Variants in SORBS2 observed in about 807,000 individuals in gnomAD.
SORBS2 encodes the protein sorbin and SH3 domain-containing protein 2.
In SORBS2, 46 loss-of-function variants were observed where a neutral mutation model predicts 97.7. The observed-to-expected ratio is 0.47, with a 90% CI of 0.37 to 0.60. The LOEUF is 0.60. SORBS2 is among the 20% of genes least tolerant of loss of function. The pLI is 0.00. For missense variants in SORBS2, 1,316 were observed against 1,282.3 expected, an observed-to-expected ratio of 1.03 and a Z score of -0.40; for synonymous variants, 476 against 473.4, an observed-to-expected ratio of 1.01 and a Z score of -0.07.
At chr4:185,665,926 C>G in intron 4 of SORBS2, 1 of 1,217,448 alleles carries the variant, frequency 8.2e-7, no homozygotes, top group Non-Finnish European at 1.1e-6. Context: ...TGTCAGAGAG[C>G]CTGTGTCGTG....
intron 14 of SORBS2, 96 bp from the exon 27 acceptor site, chr4:185,587,784 A>C (rs2095820449): frequency 1.1e-6 from 1 of 950,686 alleles, no homozygotes; most frequent in African/African-American, 1.6e-5. Context: ...CTCGGAAGAC[A>C]GCAAGCCCCG....
At chr4:185,677,431 T>C in intron 4 of SORBS2, 1 of 1,552,196 alleles carries the variant, frequency 6.4e-7, no homozygotes, top group Non-Finnish European at 8.7e-7. Flanking sequence ...TATGACATGG[T>C]TGTGTTAGAT....
intron 12 of SORBS2, among the ~76,000 whole-genome samples, chr4:185,602,042 C>T (rs1299008026): frequency 6.6e-6 from 1 of 152,108 alleles, no homozygotes; most frequent in Non-Finnish European, 1.5e-5. Flanking sequence ...GATGGAGTCT[C>T]GCTCTGTTGC....
intron 1 of SORBS2, among the ~76,000 whole-genome samples, chr4:185,948,510 A>ATTTTT (rs34637572): frequency 2.1e-4 from 18 of 87,752 alleles, no homozygotes; most frequent in Non-Finnish European, 2.7e-4. Context: ...ATGAATTTCA[A>ATTTTT]TTTTTTTTTT....
At chr4:185,670,614 T>A (rs1215653326) in intron 4 of SORBS2, among the ~76,000 whole-genome samples, 1 of 152,040 alleles carries the variant, frequency 6.6e-6, no homozygotes, top group Non-Finnish European at 1.5e-5. Context: ...AGGGGTTTTT[T>A]TTTTTTTGGA....
chr4:185,879,165 TCC>T (rs1224668040), intron 1 of SORBS2, among the ~76,000 whole-genome samples: 23 of 57,160 alleles, frequency 4.0e-4, no homozygotes, highest in South Asian at 2.6e-3. Flanking sequence ...ATGCTATCCC[TCC>T]CCCCCCCCCA....
At chr4:185,861,336 C>A (rs1281485034) in intron 1 of SORBS2, among the ~76,000 whole-genome samples, 1 of 128,358 alleles carries the variant, frequency 7.8e-6, no homozygotes, top group Non-Finnish European at 1.6e-5. Context: ...GTCCATCAGT[C>A]GGGTGGGGGG....
rs148868588 is a variant in SORBS2, at chr4:185,862,309, T to A, written c.-337-86943A>T. On this transcript the variant is annotated intron_variant, in intron 1 of 20. Coordinates refer to the SORBS2 transcript ENST00000284776. ...AGATTCTGCAGGGCCTTGAGCCTTGTAGGACATGGTATGGGGTTTCAGTGA... is the reference window on the plus strand; with the variant it reads ...AGATTCTGCAGGGCCTTGAGCCTTGAAGGACATGGTATGGGGTTTCAGTGA... 2.6e-5 allele frequency among the ~76,000 whole-genome samples: 4 copies of A among 152,324 alleles called. No homozygotes were observed. The East Asian group carries it at 7.7e-4, about 29-fold the overall frequency.
At position 185,760,563 on chromosome 4, in the gene SORBS2, CA is replaced by C. The variant is rs11448543; in HGVS notation, c.-198+14663del. Among the ~76,000 whole-genome samples the C allele has an allele frequency of 1.2e-3, 180 of 147,356 alleles. 1 individual carries two copies. The highest frequency in any genetic ancestry group is 3.6e-3 in the African/African-American group (147 of 40,486). On this transcript the variant is annotated intron_variant, in intron 2 of 20. Transcript: ENST00000284776. ...GGGCAACAAGAGTGAAACTTTGTCT[CA>C]AAAAAAAAAATTAACAAAATGCATC...
intron 2 of SORBS2, among the ~76,000 whole-genome samples, chr4:185,760,462 C>T (rs949085311): frequency 6.6e-6 from 1 of 152,184 alleles, no homozygotes; most frequent in African/African-American, 2.4e-5. Flanking sequence ...TCTCAGGAGA[C>T]TGAGGCAGGA....
rs1425624245 is a variant in SORBS2, at chr4:185,623,095, G to C, written c.2034C>G (p.Ser678=). The change falls in exon 7 of 15, where the codon TCC becomes TCG. Residue 678 remains serine, a synonymous_variant. Transcript: ENST00000418609. The surrounding 1 kb of genome is among the most constrained non-coding windows in gnomAD (Gnocchi z 6.4). The stretch of plus-strand genomic sequence containing the variant: ...GGGGGCTCCTCCTCAGCGCTCTCAG[G>C]GATGAGTTCCTCTCGGGAACATCTG... The C allele has an allele frequency of 1.9e-6, 3 of 1,614,030 alleles. No individual in the cohort carries two copies. In the Admixed American group the frequency reaches 5.0e-5, roughly 27 times the overall value.
chr4:185,933,428 A>G (rs918987352), intron 1 of SORBS2: 5 of 152,068 alleles, frequency 3.3e-5, no homozygotes, highest in African/African-American at 1.2e-4. Flanking sequence ...CCTGTGAGAA[A>G]TGCATCCTGT....
intron 1 of SORBS2, among the ~76,000 whole-genome samples, chr4:185,857,767 C>T (rs1000397082): frequency 1.1e-4 from 16 of 152,166 alleles, no homozygotes; most frequent in African/African-American, 3.1e-4. Flanking sequence ...GGATGAAATA[C>T]GCCCTGGTCT....
intron 1 of SORBS2, among the ~76,000 whole-genome samples, chr4:185,898,331 A>G (rs1193182194): frequency 2.0e-5 from 3 of 152,226 alleles, no homozygotes; most frequent in African/African-American, 7.2e-5. Context: ...TAGGGGACAT[A>G]AGCAGGGAAA....
chr4:185,715,580 G>A (rs1010826689), intron 2 of SORBS2, among the ~76,000 whole-genome samples: 1 of 152,018 alleles, frequency 6.6e-6, no homozygotes, highest in African/African-American at 2.4e-5. Flanking sequence ...TAACTTACCA[G>A]GATTAAAAGA....
At chr4:185,612,491 A>ATT (rs112327583) in intron 11 of SORBS2, among the ~76,000 whole-genome samples, 59 of 114,918 alleles carry the variant, frequency 5.1e-4, no homozygotes, top group East Asian at 1.8e-3. Context: ...TTTTATTTCT[A>ATT]TTTTTTTTTT....
At chr4:185,914,646 G>C (rs2099257096) in intron 1 of SORBS2, among the ~76,000 whole-genome samples, 1 of 152,196 alleles carries the variant, frequency 6.6e-6, no homozygotes, top group Admixed American at 6.5e-5. Flanking sequence ...AATCTATGAA[G>C]TTAACATTAT....
intron 1 of SORBS2, among the ~76,000 whole-genome samples, chr4:185,780,208 T>C (rs1332733715): frequency 1.3e-5 from 2 of 151,446 alleles, no homozygotes; most frequent in South Asian, 4.2e-4. Context: ...AGAGATGGGG[T>C]TTTTCCATGT....
chr4:185,667,715 TATA>T lies in SORBS2; in HGVS notation c.-45-5476_-45-5474del, dbSNP rs1301154279. ...ATATATATATATATATACGTATATA[TATA>T]ATATATATTTTACTGTTCATGGTTG... On this transcript the variant is annotated intron_variant, in intron 4 of 20. Transcript: ENST00000284776. 1.4e-3 allele frequency among the ~76,000 whole-genome samples: 208 copies of T among 146,626 alleles called. 2 individuals carry two copies. Among genetic ancestry groups the T allele is most frequent in the Non-Finnish European group, 2.7e-3 (179 of 66,930 alleles).
Sources: allele counts gnomAD v4.1 joint callset (sites outside exome capture counted in the v4.1 genomes callset), GRCh38; gene constraint gnomAD v4.1.1; non-coding constraint Gnocchi (gnomAD v3.1); transcripts MANE v1.5; gene names NCBI Gene and HGNC (gene_info 2026-07-23, HGNC 2026-07-21).